Variants in DGKB observed in about 807,000 individuals in gnomAD.
DGKB encodes the protein 90 kDa diacylglycerol kinase.
In DGKB, 67 loss-of-function variants were observed where a neutral mutation model predicts 114.3. That is an observed-to-expected ratio of 0.59 (90% confidence interval 0.48 to 0.72). DGKB has a LOEUF of 0.72. Ranked by LOEUF, DGKB falls within the 30% of genes least tolerant of loss-of-function variation. DGKB has a pLI of 0.00. For synonymous variants in DGKB, 398 were observed against 323.1 expected (o/e 1.23, Z -2.49); for missense variants, 907 against 975.2 (o/e 0.93, Z 0.93).
chr7:14,459,099 G>T (rs1832717347), intron 21 of DGKB, among the ~76,000 whole-genome samples: 1 of 152,102 alleles, frequency 6.6e-6, no homozygotes, highest in African/African-American at 2.4e-5. Flanking sequence ...AGTTCAAACT[G>T]GACAGAGCCC....
chr7:14,161,159 A>G (rs1313483493), intron 25 of DGKB, among the ~76,000 whole-genome samples: 1 of 152,174 alleles, frequency 6.6e-6, no homozygotes, highest in Non-Finnish European at 1.5e-5. Flanking sequence ...AAAGTCAGGA[A>G]ACAACAGATG....
intron 21 of DGKB, among the ~76,000 whole-genome samples, chr7:14,374,266 G>A: frequency 6.6e-6 from 1 of 152,108 alleles, no homozygotes; most frequent in Middle Eastern, 3.2e-3. Flanking sequence ...TTTGACTTTG[G>A]TTTAGGAGGG....
chr7:14,301,179 A>G (rs758390235), intron 23 of DGKB, among the ~76,000 whole-genome samples: 4 of 152,142 alleles, frequency 2.6e-5, no homozygotes, highest in Non-Finnish European at 4.4e-5. Context: ...TCTTATAAAT[A>G]TATTTCCAAA....
chr7:14,315,413 G>A (rs1381671507), intron 23 of DGKB, among the ~76,000 whole-genome samples: 11 of 150,394 alleles, frequency 7.3e-5, no homozygotes, highest in African/African-American at 2.2e-4. Flanking sequence ...ACACACATGG[G>A]CTCAAAATAA....
intron 20 of DGKB, among the ~76,000 whole-genome samples, chr7:14,557,355 G>T (rs1276297830): frequency 6.6e-6 from 1 of 151,816 alleles, no homozygotes; most frequent in African/African-American, 2.4e-5. Context: ...AATTTATTAT[G>T]CTGTGTATTT....
chr7:14,799,386 A>G (rs993126068), intron 2 of DGKB, among the ~76,000 whole-genome samples: 6 of 152,218 alleles, frequency 3.9e-5, no homozygotes, highest in Admixed American at 2.6e-4. Context: ...ATACCACAGC[A>G]TTCCATTACA....
At chr7:14,623,925 G>T (rs1030104951) in intron 14 of DGKB, among the ~76,000 whole-genome samples, 6 of 151,986 alleles carry the variant, frequency 3.9e-5, no homozygotes, top group African/African-American at 1.4e-4. Context: ...TTTATGCTTT[G>T]GCAAAATGGA....
intron 9 of DGKB, among the ~76,000 whole-genome samples, chr7:14,689,212 T>TTTTTTTTTA (rs1822343895): frequency 5.4e-5 from 7 of 130,582 alleles, no homozygotes; most frequent in East Asian, 4.6e-4. Context: ...TTTTTTTTTT[T>TTTTTTTTTA]TTTTTTTTTT....
intron 20 of DGKB, among the ~76,000 whole-genome samples, chr7:14,492,692 C>A (rs1784762864): frequency 6.6e-6 from 1 of 151,852 alleles, no homozygotes; most frequent in African/African-American, 2.4e-5. Flanking sequence ...CTTTATGCCA[C>A]CATAAAGTAA....
chr7:14,755,453 AC>A (rs1834731604), intron 3 of DGKB, among the ~76,000 whole-genome samples: 1 of 152,152 alleles, frequency 6.6e-6, no homozygotes, highest in Non-Finnish European at 1.5e-5. Flanking sequence ...CTTTTAGAAA[AC>A]GATGAATTAA....
intron 13 of DGKB, among the ~76,000 whole-genome samples, chr7:14,641,018 A>G (rs1324639819): frequency 6.6e-6 from 1 of 152,114 alleles, no homozygotes; most frequent in Non-Finnish European, 1.5e-5. Flanking sequence ...AATTTCTTTG[A>G]AAGGTGAAAG....
At chr7:14,699,003 A>G (rs1400320693) in intron 7 of DGKB, among the ~76,000 whole-genome samples, 2 of 152,210 alleles carry the variant, frequency 1.3e-5, no homozygotes, top group Admixed American at 6.5e-5. Context: ...ATTCTACTCA[A>G]ATCTCTAATC....
chr7:14,612,199 G>C (rs928763295), intron 16 of DGKB, among the ~76,000 whole-genome samples: 3 of 85,780 alleles, frequency 3.5e-5, no homozygotes, highest in African/African-American at 9.6e-5. Context: ...ATTTGAGACA[G>C]AGTCTCACAC....
intron 23 of DGKB, among the ~76,000 whole-genome samples, chr7:14,232,387 AG>A (rs1177434863): frequency 2.0e-5 from 3 of 148,098 alleles, no homozygotes; most frequent in African/African-American, 7.5e-5. Flanking sequence ...AAAAAAAAAA[AG>A]AATTTAATCT....
At chr7:14,968,114 GA>G (rs1177065177) in intron 1 of DGKB, among the ~76,000 whole-genome samples, 1 of 151,724 alleles carries the variant, frequency 6.6e-6, no homozygotes, top group Admixed American at 6.6e-5. Flanking sequence ...ATATTTATAT[GA>G]TCCTCTTTAC....
intron 21 of DGKB, among the ~76,000 whole-genome samples, chr7:14,420,688 T>C (rs1183089634): frequency 6.6e-6 from 1 of 152,128 alleles, no homozygotes; most frequent in Non-Finnish European, 1.5e-5. Flanking sequence ...TGCATGAAGT[T>C]TCATTTACCT....
At chr7:14,760,737 G>C (rs770769843) in intron 2 of DGKB, among the ~76,000 whole-genome samples, 74 of 152,140 alleles carry the variant, frequency 4.9e-4, no homozygotes, top group Non-Finnish European at 7.2e-4. Flanking sequence ...CTCCCACATA[G>C]GCCTGCCCCA....
intron 23 of DGKB, among the ~76,000 whole-genome samples, chr7:14,303,817 C>T (rs1803965860): frequency 6.6e-6 from 1 of 151,990 alleles, no homozygotes; most frequent in Non-Finnish European, 1.5e-5. Flanking sequence ...CGAAGGTGGC[C>T]CAGCACTTGC....
intron 23 of DGKB, among the ~76,000 whole-genome samples, chr7:14,270,203 T>A (rs1395801893): frequency 6.6e-6 from 1 of 152,088 alleles, no homozygotes; most frequent in Non-Finnish European, 1.5e-5. Flanking sequence ...TTACTCAGTT[T>A]CTCTCTCATA....
Sources: gnomAD v4.1 joint callset for allele counts (sites outside exome capture counted in the v4.1 genomes callset) on GRCh38, gnomAD v4.1.1 for gene constraint, MANE v1.5 for transcripts, NCBI Gene and HGNC (gene_info 2026-07-23, HGNC 2026-07-21) for gene names.